BRINP1: variants seen among roughly 807,000 people sequenced by gnomAD.
BRINP1 encodes the protein BMP/retinoic acid inducible neural specific 1, also known as BMP/retinoic acid-inducible neural-specific protein 1.
Under a neutral mutation model 72.9 loss-of-function variants are expected in BRINP1, and 17 were observed. That is an observed-to-expected ratio of 0.23 (90% CI 0.16 to 0.35). The LOEUF is 0.35. BRINP1 is among the 10% of genes least tolerant of loss of function. BRINP1 has a pLI of 1.00. For synonymous variants in BRINP1, 418 were observed against 378.5 expected (o/e 1.10, Z -1.21); for missense variants, 850 against 1,001.6 (o/e 0.85, Z 2.04).
intron 2 of BRINP1, among the ~76,000 whole-genome samples, chr9:119,287,514 A>T (rs1297724601): frequency 6.6e-6 from 1 of 152,210 alleles, no homozygotes; most frequent in East Asian, 1.9e-4. Flanking sequence ...GATACATCAG[A>T]ATACAGAGTC....
chr9:119,325,221 T>A (rs1285653395), intron 1 of BRINP1, among the ~76,000 whole-genome samples: 1 of 152,194 alleles, frequency 6.6e-6, no homozygotes, highest in Non-Finnish European at 1.5e-5. Context: ...CATTATTATT[T>A]TTAACCACAT....
intron 2 of BRINP1, among the ~76,000 whole-genome samples, chr9:119,297,836 A>ACAAT (rs56394431): frequency 6.6e-6 from 1 of 151,534 alleles, no homozygotes; most frequent in Non-Finnish European, 1.5e-5. Flanking sequence ...AATAATAATA[A>ACAAT]AATAATAACA....
intron 7 of BRINP1, 146 bp downstream of exon 7, chr9:119,208,573 T>C: frequency 1.4e-6 from 1 of 711,942 alleles, no homozygotes; most frequent in Admixed American, 2.5e-5. Flanking sequence ...CCAGAGGCAA[T>C]CCAGAAAATT....
intron 1 of BRINP1, among the ~76,000 whole-genome samples, chr9:119,343,739 G>T (rs1831425972): frequency 6.6e-6 from 1 of 152,136 alleles, no homozygotes; most frequent in Admixed American, 6.6e-5. Context: ...CTGAGGCTGT[G>T]CTATACAGAG....
intron 3 of BRINP1, among the ~76,000 whole-genome samples, chr9:119,242,654 T>C (rs1830265562): frequency 6.6e-6 from 1 of 151,984 alleles, no homozygotes; most frequent in Non-Finnish European, 1.5e-5. Flanking sequence ...TTCATTTCTT[T>C]CTCCTTTCCT....
intron 2 of BRINP1, among the ~76,000 whole-genome samples, chr9:119,294,837 C>A: frequency 2.6e-5 from 3 of 117,376 alleles, no homozygotes; most frequent in Admixed American, 1.1e-4. Flanking sequence ...GCCTGAGCAA[C>A]AGAGTGACAC....
intron 1 of BRINP1, among the ~76,000 whole-genome samples, chr9:119,342,863 A>G (rs1001894050): frequency 6.6e-6 from 1 of 152,246 alleles, no homozygotes; most frequent in African/African-American, 2.4e-5. Flanking sequence ...AGTTAAGCAC[A>G]GGCTCTGGAA....
At chr9:119,241,646 A>G (rs923364106) in intron 4 of BRINP1, among the ~76,000 whole-genome samples, 2 of 152,130 alleles carry the variant, frequency 1.3e-5, no homozygotes, top group African/African-American at 4.8e-5. Context: ...AAAAACATAG[A>G]TGTTTAAAAT....
intron 7 of BRINP1, among the ~76,000 whole-genome samples, chr9:119,177,250 G>A (rs1472894387): frequency 6.6e-6 from 1 of 152,086 alleles, no homozygotes; most frequent in Non-Finnish European, 1.5e-5. Flanking sequence ...ACAGCTCCAG[G>A]CCTCCCCAGT....
chr9:119,205,893 G>A (rs888691467), intron 7 of BRINP1, among the ~76,000 whole-genome samples: 3 of 152,010 alleles, frequency 2.0e-5, no homozygotes, highest in Non-Finnish European at 2.9e-5. Context: ...ATCGAGCTTC[G>A]TTGCTCCTTG....
At chr9:119,213,225 G>A (rs372142177) in intron 6 of BRINP1, among the ~76,000 whole-genome samples, 5 of 152,164 alleles carry the variant, frequency 3.3e-5, no homozygotes, top group East Asian at 3.9e-4. Flanking sequence ...TTTTACAGAC[G>A]TATCCTTGAC....
chr9:119,204,952 C>CT (rs1379746097), intron 7 of BRINP1, among the ~76,000 whole-genome samples: 1 of 152,334 alleles, frequency 6.6e-6, no homozygotes, highest in Non-Finnish European at 1.5e-5. Flanking sequence ...GTGGCACCTG[C>CT]TGCAGTAATG....
At chr9:119,255,836 TC>T (rs1442863024) in intron 2 of BRINP1, among the ~76,000 whole-genome samples, 2 of 151,280 alleles carry the variant, frequency 1.3e-5, no homozygotes, top group African/African-American at 4.9e-5. Flanking sequence ...GCGCCTGTAG[TC>T]CCAGCTACTC....
intron 2 of BRINP1, among the ~76,000 whole-genome samples, chr9:119,279,013 A>G (rs1160315768): frequency 6.6e-6 from 1 of 151,512 alleles, no homozygotes; most frequent in African/African-American, 2.4e-5. Context: ...CTTCCATTTT[A>G]TTGGTAAGAA....
At chr9:119,274,120 T>A (rs934066570) in intron 2 of BRINP1, among the ~76,000 whole-genome samples, 8 of 152,242 alleles carry the variant, frequency 5.3e-5, no homozygotes, top group Non-Finnish European at 8.8e-5. Context: ...GAGTCGATCC[T>A]ATTTTGTTTA....
chr9:119,202,303 A>G (rs1471179045), intron 7 of BRINP1, among the ~76,000 whole-genome samples: 2 of 152,158 alleles, frequency 1.3e-5, no homozygotes, highest in Non-Finnish European at 2.9e-5. Context: ...TAACTATTAA[A>G]TGTTGCCATG....
At chr9:119,244,227 T>C (rs1335349873) in intron 3 of BRINP1, among the ~76,000 whole-genome samples, 5 of 152,186 alleles carry the variant, frequency 3.3e-5, no homozygotes, top group Admixed American at 2.0e-4. Context: ...CACTTGGCGT[T>C]TGCAGTTTTC....
At chr9:119,202,003 A>T (rs1829810142) in intron 7 of BRINP1, among the ~76,000 whole-genome samples, 1 of 150,700 alleles carries the variant, frequency 6.6e-6, no homozygotes, top group South Asian at 2.1e-4. Context: ...AATTTCCACC[A>T]CTATGCAATG....
intron 1 of BRINP1, among the ~76,000 whole-genome samples, chr9:119,344,701 C>T (rs1831433886): frequency 6.6e-6 from 1 of 152,218 alleles, no homozygotes; most frequent in Non-Finnish European, 1.5e-5. Context: ...TTCCCAGTTT[C>T]TGACACCACA....
Sources: gnomAD v4.1 joint callset for allele counts (sites outside exome capture counted in the v4.1 genomes callset) on GRCh38, gnomAD v4.1.1 for gene constraint, MANE v1.5 for transcripts, NCBI Gene and HGNC (gene_info 2026-07-23, HGNC 2026-07-21) for gene names.